The following UST variants were observed in gnomAD, a reference collection of about 807,000 sequenced individuals.
UST encodes chondroitin sulfate 2-O-sulfotransferase.
In UST, 21 loss-of-function variants were observed where a neutral mutation model predicts 45.6. The observed-to-expected ratio is 0.46, with a 90% CI of 0.33 to 0.66. The LOEUF is 0.66. Ranked by LOEUF, UST falls within the 30% of genes least tolerant of loss-of-function variation. The pLI, the probability that UST is intolerant of heterozygous loss-of-function variation, is 0.02. For synonymous variants in UST, 215 were observed against 200.6 expected (o/e 1.07, Z -0.61); for missense variants, 463 against 512.4 (o/e 0.90, Z 0.93).
rs199931405 is a variant in UST, at chr6:149,074,115, G to C, written c.1220G>C (p.Ter407SerextTer29). ...TGGCTGGAAGATATTTATAAGAGGT[G>C]ATGTGACTGTGTTGCCTCTATGGCT... ...EKWLEDIYKR[*>S] Residue 407 changes from the stop codon to serine, a stop_lost, in exon 8 of 8, where the codon TGA (stop) becomes TCA (serine). Coordinates refer to ENST00000367463, the MANE Select transcript of UST (RefSeq NM_005715.3). 6.2e-7 allele frequency: 1 copy of C among 1,613,582 alleles called. No individual in the cohort carries two copies. The highest frequency in any genetic ancestry group is 8.5e-7 in the Non-Finnish European group (1 of 1,179,508).
intron 1 of UST, among the ~76,000 whole-genome samples, chr6:148,804,827 T>G (rs1335178335): frequency 1.5e-5 from 2 of 130,268 alleles, no homozygotes; most frequent in Non-Finnish European, 3.7e-5. Context: ...AATATATATA[T>G]AAATATATAT....
At chr6:148,772,354 C>T (rs1582801344) in intron 1 of UST, among the ~76,000 whole-genome samples, 1 of 151,900 alleles carries the variant, frequency 6.6e-6, no homozygotes, top group Middle Eastern at 3.4e-3. Flanking sequence ...GTTCCTTCTT[C>T]CCTCTTACTG....
intron 2 of UST, among the ~76,000 whole-genome samples, chr6:148,900,250 G>A (rs1482965853): frequency 2.6e-5 from 4 of 152,062 alleles, no homozygotes; most frequent in East Asian, 1.9e-4. Context: ...CGGCTTGCTC[G>A]CTCAACCTCA....
chr6:149,038,520 C>T (rs1356566431), intron 7 of UST, among the ~76,000 whole-genome samples: 1 of 151,916 alleles, frequency 6.6e-6, no homozygotes. Flanking sequence ...ATTCTCCCCT[C>T]GAGGGAAACA....
At chr6:148,885,437 A>G (rs1778895783) in intron 1 of UST, among the ~76,000 whole-genome samples, 3 of 152,186 alleles carry the variant, frequency 2.0e-5, no homozygotes. Flanking sequence ...TAGATCTTAC[A>G]TCCTATTCAT....
chr6:149,072,291 C>T (rs1189538110), intron 7 of UST, among the ~76,000 whole-genome samples: 2 of 152,320 alleles, frequency 1.3e-5, no homozygotes, highest in African/African-American at 4.8e-5. Flanking sequence ...CCAAGTGTCT[C>T]TCCAAGGATG....
At chr6:148,848,571 T>C (rs1170598652) in intron 1 of UST, among the ~76,000 whole-genome samples, 7 of 150,888 alleles carry the variant, frequency 4.6e-5, no homozygotes, top group Non-Finnish European at 1.0e-4. Flanking sequence ...CTCAGGAGGC[T>C]GAGGCAGGAG....
At chr6:148,869,484 C>G (rs1417394693) in intron 1 of UST, among the ~76,000 whole-genome samples, 1 of 152,124 alleles carries the variant, frequency 6.6e-6, no homozygotes, top group African/African-American at 2.4e-5. Flanking sequence ...TTCCACTGCT[C>G]TATTCAAAAC....
At chr6:149,035,911 T>C (rs1776233804) in intron 7 of UST, among the ~76,000 whole-genome samples, 1 of 152,194 alleles carries the variant, frequency 6.6e-6, no homozygotes, top group South Asian at 2.1e-4. Flanking sequence ...TTTTTTTCTC[T>C]CTGGAGTTTG....
chr6:149,030,869 G>A lies in UST; in HGVS notation c.937+9388G>A, dbSNP rs555748631. Among the ~76,000 whole-genome samples the A allele has an allele frequency of 2.6e-5, 4 of 152,050 alleles. No individual in the cohort carries two copies. The South Asian group carries it at 6.2e-4, about 24-fold the overall frequency. ...CTGACGTCTTTCCAGTGGGGGTTGC[G>A]GGGACGTAGGGAATAGCAGTGCAAG... On this transcript the variant is annotated intron_variant, in intron 7 of 7. Coordinates refer to ENST00000367463, the MANE Select transcript of UST (RefSeq NM_005715.3).
At chr6:148,752,291 C>T (rs1313524498) in intron 1 of UST, among the ~76,000 whole-genome samples, 1 of 152,132 alleles carries the variant, frequency 6.6e-6, no homozygotes, top group Non-Finnish European at 1.5e-5. Context: ...TATTTTTCTT[C>T]TGCATTTCAC....
chr6:148,779,111 C>CT (rs1776589003), intron 1 of UST, among the ~76,000 whole-genome samples: 2 of 138,010 alleles, frequency 1.4e-5, no homozygotes, highest in East Asian at 2.0e-4. Flanking sequence ...CTTTGTGGCA[C>CT]ATTTTTTTTT....
intron 2 of UST, 102 bp from the exon 3 acceptor site, chr6:148,941,177 C>G: frequency 7.1e-7 from 1 of 1,414,568 alleles, no homozygotes; most frequent in Non-Finnish European, 9.8e-7. Flanking sequence ...CTTTTTCACT[C>G]AGATTTATTA....
intron 2 of UST, among the ~76,000 whole-genome samples, chr6:148,937,562 G>A (rs1452062011): frequency 6.6e-6 from 1 of 152,204 alleles, no homozygotes; most frequent in Non-Finnish European, 1.5e-5. Flanking sequence ...TACTAAGCCT[G>A]CTACTGTGCT....
intron 5 of UST, among the ~76,000 whole-genome samples, chr6:148,966,194 A>C (rs1780793231): frequency 6.6e-6 from 1 of 151,964 alleles, no homozygotes; most frequent in Admixed American, 6.6e-5. Flanking sequence ...ACTGCACTCC[A>C]GCCTAGGTGC....
rs71007932 is a variant in UST at position 148,949,395 on chromosome 6, A to AAATAATAATAAT, written c.448-4448_448-4437dup. On this transcript the variant is annotated intron_variant, in intron 3 of 7. Coordinates refer to ENST00000367463, the MANE Select transcript of UST (RefSeq NM_005715.3). ...CCTGGGCAGCAGAGACTTTGTCTCAAAATAATAATAATAATAATAATAATA... is the reference window on the plus strand; with the variant it reads ...CCTGGGCAGCAGAGACTTTGTCTCAAAATAATAATAATAATAATAATAATAATAATAATAATA... 2.2e-3 allele frequency among the ~76,000 whole-genome samples: 298 copies of AAATAATAATAAT among 136,850 alleles called. 3 individuals are homozygous for AAATAATAATAAT. The highest frequency in any genetic ancestry group is 6.9e-3 in the African/African-American group (251 of 36,434). 89.8% of individuals were successfully genotyped at this position (136,850 alleles called of 152,430 possible). A position where few individuals can be genotyped will look rare whatever the true frequency, so the allele number is the denominator to read the frequency against.
At chr6:149,050,792 T>C (rs1776472340) in intron 7 of UST, among the ~76,000 whole-genome samples, 1 of 152,332 alleles carries the variant, frequency 6.6e-6, no homozygotes, top group African/African-American at 2.4e-5. Context: ...ACAAAAACAT[T>C]GAGAGTCAGA....
At chr6:148,919,986 G>A (rs1417816096) in intron 2 of UST, among the ~76,000 whole-genome samples, 2 of 152,130 alleles carry the variant, frequency 1.3e-5, no homozygotes, top group Admixed American at 6.5e-5. Context: ...CATGGATCAG[G>A]CAGTTTTCAA....
intron 1 of UST, among the ~76,000 whole-genome samples, chr6:148,872,935 C>A (rs559077245): frequency 6.6e-6 from 1 of 152,280 alleles, no homozygotes; most frequent in South Asian, 2.1e-4. Context: ...TGCCTGCATT[C>A]TTTGACTCGT....
Sources: allele counts gnomAD v4.1 joint callset (sites outside exome capture counted in the v4.1 genomes callset), GRCh38; gene constraint gnomAD v4.1.1; transcripts MANE v1.5; gene names NCBI Gene and HGNC (gene_info 2026-07-23, HGNC 2026-07-21).